SOX5: variants seen among roughly 807,000 people sequenced by gnomAD.
The protein encoded by SOX5 is SRY-box transcription factor 5, also known as transcription factor SOX-5.
SOX5 carries 9 observed loss-of-function variants against 92.0 expected under a neutral mutation model. The observed-to-expected ratio is 0.10, with a 90% CI of 0.06 to 0.17. The LOEUF (loss-of-function observed/expected upper bound fraction) is 0.17, where lower values mean the gene tolerates loss of function less well. SOX5 is among the 10% of genes least tolerant of loss of function. SOX5 has a pLI of 1.00. For synonymous variants in SOX5, 344 were observed against 336.3 expected, an observed-to-expected ratio of 1.02 and a Z score of -0.25; for missense variants, 642 against 944.5, an observed-to-expected ratio of 0.68 and a Z score of 4.20.
At chr12:24,111,368 G>C (rs900032943) in intron 4 of SOX5, among the ~76,000 whole-genome samples, 5 of 152,138 alleles carry the variant, frequency 3.3e-5, no homozygotes, top group Non-Finnish European at 7.4e-5. Context: ...GTGAGTATCA[G>C]ACTAGTCAAC....
At chr12:24,020,927 C>A (rs1954211138) in intron 4 of SOX5, among the ~76,000 whole-genome samples, 1 of 152,122 alleles carries the variant, frequency 6.6e-6, no homozygotes, top group Non-Finnish European at 1.5e-5. Context: ...AATAAGAGGT[C>A]TGCCCTGCAG....
At chr12:24,335,269 C>A (rs201687296) in intron 2 of SOX5, among the ~76,000 whole-genome samples, 2 of 151,812 alleles carry the variant, frequency 1.3e-5, no homozygotes, top group Admixed American at 1.3e-4. Flanking sequence ...CAGAGGGGCC[C>A]AAAAAAACAG....
chr12:24,203,093 A>G (rs1957688970), intron 4 of SOX5, among the ~76,000 whole-genome samples: 1 of 152,144 alleles, frequency 6.6e-6, no homozygotes, highest in Non-Finnish European at 1.5e-5. Context: ...TCTTACTGTT[A>G]AGAAAGAGCT....
At chr12:23,902,048 G>A (rs2097239549) in intron 1 of SOX5, among the ~76,000 whole-genome samples, 1 of 152,118 alleles carries the variant, frequency 6.6e-6, no homozygotes, top group Non-Finnish European at 1.5e-5. Flanking sequence ...TATTTAACAT[G>A]TGTAAGTAAA....
intron 4 of SOX5, among the ~76,000 whole-genome samples, chr12:24,192,452 T>G (rs1312085426): frequency 6.6e-6 from 1 of 152,232 alleles, no homozygotes; most frequent in African/African-American, 2.4e-5. Flanking sequence ...TCTTCGAAAG[T>G]AATTCATCAA....
chr12:23,658,847 C>G (rs893968566), intron 7 of SOX5, among the ~76,000 whole-genome samples: 1 of 152,106 alleles, frequency 6.6e-6, no homozygotes, highest in African/African-American at 2.4e-5. Context: ...GAGCCGAGAT[C>G]GTGCCATTGC....
chr12:23,651,233 T>C (rs2081523478), intron 7 of SOX5, among the ~76,000 whole-genome samples: 1 of 152,038 alleles, frequency 6.6e-6, no homozygotes, highest in Non-Finnish European at 1.5e-5. Context: ...TATACATATA[T>C]ACATATATGT....
intron 1 of SOX5, among the ~76,000 whole-genome samples, chr12:24,483,255 C>A (rs1712246938): frequency 6.6e-6 from 1 of 152,050 alleles, no homozygotes; most frequent in Admixed American, 6.5e-5. Context: ...CAAAACAATA[C>A]AAAAGAGAAT....
chr12:23,749,062 A>C (rs2094101039), intron 4 of SOX5, among the ~76,000 whole-genome samples: 1 of 151,950 alleles, frequency 6.6e-6, no homozygotes, highest in Non-Finnish European at 1.5e-5. Flanking sequence ...CTCTTATCCA[A>C]CAAAAAGAGA....
intron 1 of SOX5, among the ~76,000 whole-genome samples, chr12:24,431,988 C>T (rs1438466468): frequency 6.6e-6 from 1 of 152,088 alleles, no homozygotes; most frequent in African/African-American, 2.4e-5. Context: ...TCTCAAACAT[C>T]AGAGGAAAAT....
At chr12:23,952,682 A>T (rs1173303003), upstream of SOX5, among the ~76,000 whole-genome samples, 2 of 152,184 alleles carry the variant, frequency 1.3e-5, no homozygotes, top group Non-Finnish European at 2.9e-5. Flanking sequence ...CTAGACAGAA[A>T]ATTTGCCAAA....
intron 11 of SOX5, among the ~76,000 whole-genome samples, chr12:23,552,599 AGAGATAGAGTTTGGCCATATGTAGTCAG>A (rs773960756): frequency 7.2e-5 from 11 of 151,996 alleles, no homozygotes; most frequent in Non-Finnish European, 1.0e-4. Context: ...TTTGTGAAAC[AGAGATAGAGTTTGGCCATATGTAGTCAG>A]GAGATAGAAC....
intron 3 of SOX5, among the ~76,000 whole-genome samples, chr12:24,229,213 T>C (rs1962822597): frequency 6.6e-6 from 1 of 152,198 alleles, no homozygotes; most frequent in Non-Finnish European, 1.5e-5. Context: ...CTAACAAATG[T>C]AACTTTAACA....
chr12:23,976,088 C>T (rs1364795163), intron 4 of SOX5, among the ~76,000 whole-genome samples: 1 of 151,900 alleles, frequency 6.6e-6, no homozygotes, highest in Non-Finnish European at 1.5e-5. Context: ...TCTCTTGAGA[C>T]AGCCATTTTA....
At chr12:24,097,493 G>GTT (rs34974362) in intron 4 of SOX5, among the ~76,000 whole-genome samples, 66 of 148,402 alleles carry the variant, frequency 4.4e-4, no homozygotes, top group South Asian at 2.5e-3. Flanking sequence ...AATTTTACAG[G>GTT]TTTTTTTTTT....
chr12:23,935,382 T>C (rs1469404214), intron 1 of SOX5, among the ~76,000 whole-genome samples: 1 of 151,288 alleles, frequency 6.6e-6, no homozygotes, highest in African/African-American at 2.4e-5. Context: ...CACTTAAGAA[T>C]TACTATACTG....
At chr12:23,581,346 GATTAAACCC>G (rs764182380) in intron 9 of SOX5, among the ~76,000 whole-genome samples, 8 of 152,156 alleles carry the variant, frequency 5.3e-5, no homozygotes, top group Non-Finnish European at 1.0e-4. Context: ...ACGTGCAAAT[GATTAAACCC>G]TTCAGAATAT....
chr12:24,464,162 T>C (rs1943955213), intron 1 of SOX5, among the ~76,000 whole-genome samples: 1 of 152,170 alleles, frequency 6.6e-6, no homozygotes, highest in Non-Finnish European at 1.5e-5. Flanking sequence ...TTTGCAAAAA[T>C]ATACCTAAGT....
intron 1 of SOX5, among the ~76,000 whole-genome samples, chr12:24,519,951 T>C (rs1314583178): frequency 6.6e-6 from 1 of 151,628 alleles, no homozygotes; most frequent in Non-Finnish European, 1.5e-5. Flanking sequence ...TTGTCACATA[T>C]AAGGGGCCTA....
Sources: allele counts gnomAD v4.1 joint callset (sites outside exome capture counted in the v4.1 genomes callset), GRCh38; gene constraint gnomAD v4.1.1; transcripts MANE v1.5; gene names NCBI Gene and HGNC (gene_info 2026-07-23, HGNC 2026-07-21).